PDZD2: variants seen among roughly 807,000 people sequenced by gnomAD.
PDZD2 encodes the protein PDZ domain-containing protein 2.
A neutral mutation model predicts 220.7 loss-of-function variants in PDZD2; 90 were observed. That is an observed-to-expected ratio of 0.41 (90% CI 0.34 to 0.49). PDZD2 has a LOEUF of 0.49. PDZD2 is among the 20% of genes least tolerant of loss of function. The pLI, the probability that PDZD2 is intolerant of heterozygous loss-of-function variation, is 0.28. For missense variants in PDZD2, 3,174 were observed against 3,608.5 expected (o/e 0.88, Z 3.08); for synonymous variants, 1,375 against 1,450.5 (o/e 0.95, Z 1.18).
At chr5:32,011,777 G>C (rs1203904317) in intron 6 of PDZD2, among the ~76,000 whole-genome samples, 3 of 152,160 alleles carry the variant, frequency 2.0e-5, no homozygotes, top group African/African-American at 7.2e-5. Context: ...TATATTTAAA[G>C]GGGGAAAAGT....
intron 1 of PDZD2, among the ~76,000 whole-genome samples, chr5:31,773,259 G>A (rs1268179025): frequency 6.6e-6 from 1 of 152,142 alleles, no homozygotes; most frequent in East Asian, 1.9e-4. Flanking sequence ...AAAGCTCCTA[G>A]ACTTATTTAA....
intron 2 of PDZD2, among the ~76,000 whole-genome samples, chr5:31,821,048 C>G (rs1755809727): frequency 6.6e-6 from 1 of 151,584 alleles, no homozygotes; most frequent in African/African-American, 2.4e-5. Flanking sequence ...ATCTTTTTAC[C>G]CCATGTGGTT....
At chr5:31,659,078 C>G (rs578142834) in intron 1 of PDZD2, among the ~76,000 whole-genome samples, 1 of 152,296 alleles carries the variant, frequency 6.6e-6, no homozygotes, top group Admixed American at 6.5e-5. Flanking sequence ...TGGCACTGCT[C>G]TTTTATGAAA....
At chr5:31,877,968 C>T (rs1441945968) in intron 2 of PDZD2, among the ~76,000 whole-genome samples, 4 of 152,116 alleles carry the variant, frequency 2.6e-5, no homozygotes, top group South Asian at 2.1e-4. Context: ...GGATTACAGG[C>T]GTGAGCCACC....
At chr5:31,963,410 C>T (rs966900939) in intron 2 of PDZD2, among the ~76,000 whole-genome samples, 3 of 152,224 alleles carry the variant, frequency 2.0e-5, no homozygotes, top group African/African-American at 7.2e-5. Flanking sequence ...AAGAAAGCAG[C>T]TTTTCTGACC....
intron 2 of PDZD2, among the ~76,000 whole-genome samples, chr5:31,870,625 C>T (rs748914129): frequency 9.9e-5 from 15 of 152,074 alleles, no homozygotes; most frequent in South Asian, 2.1e-4. Context: ...TGGTGGCTCA[C>T]GCGTATAATC....
At chr5:31,641,455 T>G (rs1744942693) in intron 1 of PDZD2, among the ~76,000 whole-genome samples, 1 of 152,106 alleles carries the variant, frequency 6.6e-6, no homozygotes, top group South Asian at 2.1e-4. Flanking sequence ...GAGTTAGGAC[T>G]CAGTGCTAAG....
chr5:31,646,863 T>C lies in PDZD2; in HGVS notation c.-361+7426T>C, dbSNP rs1745153943. The stretch of plus-strand genomic sequence containing the variant: ...TAGGCCGAAAGAAGGGACAGCTGTC[T>C]CCAGAAAATGTGCTCCGAGTGTCCC... On this transcript the variant is annotated intron_variant, in intron 1 of 24. Transcript: ENST00000438447. This position sits in a 1 kb window ranked among gnomAD's most constrained non-coding sequence, Gnocchi z 4.7. Among the ~76,000 whole-genome samples, 2 of 152,172 alleles carry C rather than the reference T, an allele frequency of 1.3e-5. No homozygotes were observed. Among genetic ancestry groups the C allele is most frequent in the African/African-American group, 4.8e-5 (2 of 41,446 alleles).
chr5:31,995,612 A>G lies in PDZD2; in HGVS notation c.1015A>G (p.Lys339Glu), dbSNP rs1471082345. The change falls in exon 4 of 25, where the codon AAA (lysine) becomes GAA (glutamate). Residue 339 changes from lysine (K) to glutamate (E), a missense_variant. By Grantham distance (56) the Lys-to-Glu change is moderately conservative. Coordinates refer to ENST00000438447, the MANE Select transcript of PDZD2 (RefSeq NM_178140.4). ...VGRIWKMELLKESDGLGIQVS... is the reference protein window; with the variant it reads ...VGRIWKMELLEESDGLGIQVS... ...CCGAATATGGAAGATGGAGCTGCTCAAAGAATCGGATGGGCTGGGAATTCA... is the reference window on the plus strand; with the variant it reads ...CCGAATATGGAAGATGGAGCTGCTCGAAGAATCGGATGGGCTGGGAATTCA... 3.1e-6 allele frequency: 5 copies of G among 1,614,048 alleles called. No homozygotes were observed. The Middle Eastern group carries it at 4.9e-4, about 159-fold the overall frequency.
intron 2 of PDZD2, among the ~76,000 whole-genome samples, chr5:31,926,574 G>A (rs1006620627): frequency 5.4e-5 from 8 of 148,166 alleles, no homozygotes; most frequent in African/African-American, 2.0e-4. Context: ...AATAACAGAC[G>A]CTGGGGAGGC....
rs372168412 is a variant in PDZD2 at position 31,910,245 on chromosome 5, A to T, written c.477-72910A>T. On this transcript the variant is annotated intron_variant, in intron 2 of 24. Coordinates refer to ENST00000438447, the MANE Select transcript of PDZD2 (RefSeq NM_178140.4). ...TTTTTTTTTTTTTTTTTGGAGACTT[A>T]GTCTTGCTCTGTCGCCCAGGCTGGA... is the stretch of plus-strand genomic sequence containing the variant. Among the ~76,000 whole-genome samples, 294 of 93,162 alleles carry T rather than the reference A, an allele frequency of 3.2e-3. 2 individuals are homozygous for T. Among genetic ancestry groups the T allele is most frequent in the African/African-American group, 0.012 (282 of 24,322 alleles). The allele number at this position is 93,162 out of a possible 152,430, so 61.1% of individuals were successfully genotyped here. A position where few individuals can be genotyped will look rare whatever the true frequency, so the allele number is the denominator to read the frequency against.
intron 1 of PDZD2, among the ~76,000 whole-genome samples, chr5:31,728,556 T>C (rs937196758): frequency 6.6e-6 from 1 of 152,186 alleles, no homozygotes; most frequent in Non-Finnish European, 1.5e-5. Context: ...GCAAAGATGA[T>C]AGTGACCACA....
chr5:32,074,355 C>T lies in PDZD2; in HGVS notation c.3249C>T (p.Ser1083=), dbSNP rs151116909. Residue 1083 remains serine (S), a synonymous_variant, in exon 18 of 25, where the codon AGC becomes AGT. Transcript: ENST00000438447. ...AGAAGGAACTGTCAGGATCAAGTAG[C>T]GCACCCAAATTGGAATACACAGTCC... The part of the protein sequence containing the change: ...WWKKELSGSS[S]APKLEYTVRT... 3.3e-4 allele frequency: 526 copies of T among 1,614,200 alleles called. No homozygotes were observed. In the African/African-American group the frequency reaches 5.7e-3, roughly 18 times the overall value.
chr5:32,038,953 G>A (rs966896245), intron 7 of PDZD2, among the ~76,000 whole-genome samples: 3 of 152,188 alleles, frequency 2.0e-5, no homozygotes, highest in Non-Finnish European at 4.4e-5. Context: ...TGTGTAGTAC[G>A]TTAACGTTCA....
At chr5:31,909,353 C>T (rs1024186763) in intron 2 of PDZD2, among the ~76,000 whole-genome samples, 7 of 152,156 alleles carry the variant, frequency 4.6e-5, no homozygotes, top group South Asian at 4.2e-4. Context: ...AAGAAAAGCA[C>T]GTCATGTAGT....
intron 1 of PDZD2, among the ~76,000 whole-genome samples, chr5:31,643,738 A>T (rs1431232604): frequency 1.3e-5 from 2 of 152,206 alleles, no homozygotes; most frequent in East Asian, 3.8e-4. Flanking sequence ...CTCACTTATT[A>T]GTGAAGCGGG....
intron 1 of PDZD2, among the ~76,000 whole-genome samples, chr5:31,742,860 CT>C (rs1193774274): frequency 6.6e-6 from 1 of 152,202 alleles, no homozygotes; most frequent in Non-Finnish European, 1.5e-5. Flanking sequence ...AAGCATTTGG[CT>C]TACCAACTAC....
At chr5:31,777,194 G>A (rs1265438897) in intron 1 of PDZD2, among the ~76,000 whole-genome samples, 7 of 152,164 alleles carry the variant, frequency 4.6e-5, no homozygotes, top group African/African-American at 1.2e-4. Flanking sequence ...GCCCGCACTC[G>A]GAGTGGCTGG....
chr5:32,029,329 TAAAAAAAAAAAA>T (rs34025632), intron 6 of PDZD2, among the ~76,000 whole-genome samples: 1 of 65,834 alleles, frequency 1.5e-5, no homozygotes, highest in Admixed American at 2.3e-4. Flanking sequence ...TCAAGAACTG[TAAAAAAAAAAAA>T]AAAAAAAAAA....
Sources: gnomAD v4.1 joint callset for allele counts (sites outside exome capture counted in the v4.1 genomes callset) on GRCh38, gnomAD v4.1.1 for gene constraint, Gnocchi (gnomAD v3.1) non-coding constraint, MANE v1.5 for transcripts, NCBI Gene and HGNC (gene_info 2026-07-23, HGNC 2026-07-21) for gene names.